Variants in KCNG2 observed in about 807,000 individuals in gnomAD.
KCNG2 encodes the protein potassium voltage-gated channel modifier subfamily G member 2, also known as voltage-gated potassium channel regulatory subunit KCNG2.
Under a neutral mutation model 12.3 loss-of-function variants are expected in KCNG2, and 7 were observed. That is an observed-to-expected ratio of 0.57 (90% CI 0.32 to 1.07). The LOEUF is 1.07. Among genes scored for constraint, KCNG2 ranks in the 50% least tolerant of loss-of-function variants. The probability of loss-of-function intolerance (pLI) is 0.04; values close to 1 mark genes in which losing one functional copy is unlikely to be tolerated. For synonymous variants in KCNG2, 414 were observed against 351.4 expected (o/e 1.18, Z -1.99); for missense variants, 703 against 726.0 (o/e 0.97, Z 0.36).
intron 3 of KCNG2, among the ~76,000 whole-genome samples, chr18:79,869,907 C>T (rs1979763438): frequency 6.6e-6 from 1 of 152,248 alleles, no homozygotes; most frequent in Admixed American, 6.5e-5. Context: ...CGGCCCGCAG[C>T]CGTGGCATGG....
At chr18:79,804,232 G>A (rs2087432054) in intron 1 of KCNG2, among the ~76,000 whole-genome samples, 1 of 152,240 alleles carries the variant, frequency 6.6e-6, no homozygotes, top group African/African-American at 2.4e-5. Flanking sequence ...GCATTTGAGA[G>A]CGTGTTCTTC....
Position 79,837,608 on chromosome 18 carries a change from G to A in KCNG2, c.-114-18771G>A, listed in dbSNP as rs187075168. On this transcript the variant is annotated intron_variant, in intron 1 of 3. Transcript: ENST00000316249. ...AAATGCCACTAGTCTCTTTGTGAAA[G>A]TATAGCAAGAATGACCCTACTGCAG... is the stretch of plus-strand genomic sequence containing the variant. 5.3e-5 allele frequency among the ~76,000 whole-genome samples: 8 copies of A among 152,362 alleles called. No individual in the cohort carries two copies. The East Asian group carries it at 1.2e-3, about 22-fold the overall frequency.
At chr18:79,874,631 C>T (rs1013376995) in intron 3 of KCNG2, among the ~76,000 whole-genome samples, 1 of 152,254 alleles carries the variant, frequency 6.6e-6, no homozygotes, top group Non-Finnish European at 1.5e-5. Context: ...GTTCAGATGG[C>T]AGCCGTCTGT....
At chr18:79,891,555 A>C (rs192404946) in intron 3 of KCNG2, among the ~76,000 whole-genome samples, 8 of 152,280 alleles carry the variant, frequency 5.3e-5, no homozygotes, top group African/African-American at 1.7e-4. Context: ...TAGCTGCACC[A>C]TATAAGTTTG....
At chr18:79,841,095 C>A (rs1420587749) in intron 1 of KCNG2, among the ~76,000 whole-genome samples, 2 of 152,022 alleles carry the variant, frequency 1.3e-5, no homozygotes, top group East Asian at 3.9e-4. Context: ...CATAGTGAGG[C>A]CTTGTCTCTA....
At position 79,899,806 on chromosome 18, in the gene KCNG2, C is replaced by A. The variant is rs755400361; in HGVS notation, c.1391C>A (p.Ala464Glu). 3.3e-5 allele frequency: 47 copies of A among 1,408,512 alleles called. No homozygotes were observed. The highest frequency in any genetic ancestry group is 3.3e-5 in the Admixed American group (1 of 30,056). The allele number at this position is 1,408,512 out of a possible 1,614,324, so 87.3% of individuals were successfully genotyped here. The change falls in exon 4 of 4, where the codon GCA (alanine) becomes GAA (glutamate). Residue 464 changes from alanine to glutamate, a missense_variant. Ala to Glu is a moderately radical substitution (Grantham distance 107, BLOSUM62 -1). Transcript: ENST00000316249. ...TCCGCGGATGCGCTGTGGGTGCGGG[C>A]AGGGCGCTGACGCCTGCGCCGCCCA... ...DDSADALWVR[A>E]GR is the part of the protein sequence containing the mutation.
At chr18:79,896,225 C>G (rs1042426053) in intron 3 of KCNG2, among the ~76,000 whole-genome samples, 15 of 152,196 alleles carry the variant, frequency 9.9e-5, no homozygotes, top group South Asian at 2.1e-4. Context: ...CTTGGCCTCC[C>G]AAAGTGCTGG....
chr18:79,807,477 C>T (rs913937468), intron 1 of KCNG2, among the ~76,000 whole-genome samples: 3 of 152,212 alleles, frequency 2.0e-5, no homozygotes, highest in Admixed American at 6.5e-5. Context: ...TGCTCTGACA[C>T]GTCACCCCAC....
At chr18:79,817,133 A>G (rs1290984811) in intron 1 of KCNG2, among the ~76,000 whole-genome samples, 11 of 151,512 alleles carry the variant, frequency 7.3e-5, no homozygotes, top group Admixed American at 7.2e-4. Context: ...GCTGTCACGC[A>G]GCTGCCACAT....
Position 79,863,807 on chromosome 18 carries a change from G to C in KCNG2, c.140G>C (p.Arg47Pro). 1 of 1,333,082 alleles carries C rather than the reference G, an allele frequency of 7.5e-7. No individual in the cohort carries two copies. The highest frequency in any genetic ancestry group is 9.6e-7 in the Non-Finnish European group (1 of 1,037,042). 82.6% of individuals were successfully genotyped at this position (1,333,082 alleles called of 1,614,324 possible). Residue 47 changes from arginine (R) to proline (P), a missense_variant, in exon 3 of 4, where the codon CGC (arginine) becomes CCC (proline). Arg to Pro is a moderately radical substitution (Grantham distance 103, BLOSUM62 -2). Coordinates refer to ENST00000316249, the MANE Select transcript of KCNG2 (RefSeq NM_012283.2). Reference protein sequence around the residue: ...RCPLARLERLRACRGHDDLLR... With the variant: ...RCPLARLERLPACRGHDDLLR... ...CCCCTCGCGCGCCTGGAGCGCCTGC[G>C]CGCCTGCCGCGGCCACGACGACCTG...
At chr18:79,852,184 C>T (rs182531074) in intron 1 of KCNG2, among the ~76,000 whole-genome samples, 10 of 152,256 alleles carry the variant, frequency 6.6e-5, no homozygotes, top group South Asian at 2.1e-4. Flanking sequence ...ACTTCACTAC[C>T]GCCAGCAGGG....
intron 1 of KCNG2, among the ~76,000 whole-genome samples, chr18:79,798,360 C>A (rs562531028): frequency 2.0e-5 from 3 of 152,054 alleles, no homozygotes; most frequent in East Asian, 1.9e-4. Context: ...CGGATCGCCC[C>A]GTCTATTCGC....
intron 1 of KCNG2, among the ~76,000 whole-genome samples, chr18:79,852,581 A>T (rs1038248287): frequency 4.6e-5 from 7 of 152,250 alleles, no homozygotes; most frequent in African/African-American, 1.7e-4. Context: ...GGTGCCTGGG[A>T]CCACTTGGGC....
intron 1 of KCNG2, among the ~76,000 whole-genome samples, chr18:79,855,920 T>C (rs1362653289): frequency 1.3e-5 from 2 of 152,166 alleles, no homozygotes; most frequent in Non-Finnish European, 2.9e-5. Context: ...TTTTCCCCCT[T>C]TGATGTGAAC....
At chr18:79,859,846 G>C (rs935214612) in intron 2 of KCNG2, among the ~76,000 whole-genome samples, 3 of 152,098 alleles carry the variant, frequency 2.0e-5, no homozygotes, top group Non-Finnish European at 4.4e-5. Flanking sequence ...CTTTACACTA[G>C]TACTACACTC....
chr18:79,900,079 T>C lies in KCNG2; in HGVS notation c.*263T>C. Reference sequence around the variant, plus strand: ...TTAATTTTCTACGCCTAGCTAAAAATAAATTTAGTAAGTCCGAGAGATTCC... The same window carrying C: ...TTAATTTTCTACGCCTAGCTAAAAACAAATTTAGTAAGTCCGAGAGATTCC... On this transcript the variant is annotated 3_prime_UTR_variant, in exon 4 of 4. Transcript: ENST00000316249. 8.6e-6 allele frequency: 3 copies of C among 347,918 alleles called. No homozygotes were observed. The highest frequency in any genetic ancestry group is 1.5e-5 in the Non-Finnish European group (3 of 194,092). The allele number at this position is 347,918 out of a possible 1,614,324, so 21.6% of individuals were successfully genotyped here. A position where few individuals can be genotyped will look rare whatever the true frequency, so the allele number is the denominator to read the frequency against.
chr18:79,855,252 C>G (rs1180849871), intron 1 of KCNG2, among the ~76,000 whole-genome samples: 1 of 152,150 alleles, frequency 6.6e-6, no homozygotes, highest in Non-Finnish European at 1.5e-5. Context: ...GAGGCTTGAA[C>G]TGAGAGTGCC....
At chr18:79,825,494 G>C (rs938474308) in intron 1 of KCNG2, among the ~76,000 whole-genome samples, 2 of 152,196 alleles carry the variant, frequency 1.3e-5, no homozygotes, top group African/African-American at 2.4e-5. Context: ...GTTTGCTGAC[G>C]AAATGCCTCT....
intron 1 of KCNG2, among the ~76,000 whole-genome samples, chr18:79,807,775 T>C (rs1449350762): frequency 6.7e-6 from 1 of 149,334 alleles, no homozygotes; most frequent in Non-Finnish European, 1.5e-5. Flanking sequence ...CCTGAGGAGC[T>C]GCCGGGGCCG....
Sources: allele counts gnomAD v4.1 joint callset (sites outside exome capture counted in the v4.1 genomes callset), GRCh38; gene constraint gnomAD v4.1.1; transcripts MANE v1.5; gene names NCBI Gene and HGNC (gene_info 2026-07-23, HGNC 2026-07-21).